STK32B: variants seen among roughly 807,000 people sequenced by gnomAD.
STK32B encodes the protein serine/threonine kinase 32B.
A neutral mutation model predicts 52.6 loss-of-function variants in STK32B; 43 were observed. The ratio of observed to expected loss-of-function variants is 0.82; its 90% CI spans 0.64 to 1.05. The LOEUF (loss-of-function observed/expected upper bound fraction) is 1.05. Ranked by LOEUF, STK32B falls within the 50% of genes least tolerant of loss-of-function variation. STK32B has a pLI of 0.00. For synonymous variants in STK32B, 238 were observed against 204.3 expected (o/e 1.17, Z -1.41); for missense variants, 621 against 534.6 (o/e 1.16, Z -1.59).
At chr4:5,390,745 T>C (rs1392538273) in intron 4 of STK32B, among the ~76,000 whole-genome samples, 1 of 152,090 alleles carries the variant, frequency 6.6e-6, no homozygotes, top group African/African-American at 2.4e-5. Flanking sequence ...AGAAGTGTAT[T>C]CTTTTACAGT....
intron 4 of STK32B, among the ~76,000 whole-genome samples, chr4:5,375,558 C>T (rs889187398): frequency 7.2e-5 from 11 of 151,890 alleles, no homozygotes; most frequent in Admixed American, 7.2e-4. Flanking sequence ...CTTTCTTGTC[C>T]TAAAATTACT....
At chr4:5,067,064 A>G (rs907942856) in intron 1 of STK32B, among the ~76,000 whole-genome samples, 2 of 152,220 alleles carry the variant, frequency 1.3e-5, no homozygotes, top group Non-Finnish European at 2.9e-5. Context: ...AAGAAGCTTA[A>G]TGGACTCACA....
chr4:5,022,245 C>A, the STK32B span, among the ~76,000 whole-genome samples: 2 of 152,152 alleles, frequency 1.3e-5, no homozygotes, highest in African/African-American at 4.8e-5. Context: ...TCATCTGTTT[C>A]TCGGCACCCA....
intron 3 of STK32B, among the ~76,000 whole-genome samples, chr4:5,244,968 G>A (rs1053433542): frequency 9.9e-5 from 15 of 152,072 alleles, no homozygotes; most frequent in Admixed American, 1.3e-4. Context: ...CTGTTCTTTT[G>A]CATTTGCTGA....
intron 3 of STK32B, among the ~76,000 whole-genome samples, chr4:5,312,671 T>G: frequency 2.0e-5 from 3 of 152,054 alleles, no homozygotes. Flanking sequence ...CACATTTTCT[T>G]AATCCAGTCT....
chr4:5,275,039 C>A (rs1236828156), intron 3 of STK32B, among the ~76,000 whole-genome samples: 1 of 152,196 alleles, frequency 6.6e-6, no homozygotes, highest in East Asian at 1.9e-4. Context: ...AGCTATAACA[C>A]TCACTGCGTG....
chr4:5,066,437 C>A (rs563708694), intron 1 of STK32B, among the ~76,000 whole-genome samples: 45 of 152,268 alleles, frequency 3.0e-4, no homozygotes, highest in African/African-American at 9.9e-4. Flanking sequence ...TAGAAAATAG[C>A]TTCAAATCAC....
chr4:5,485,712 G>A (rs1719118555), intron 11 of STK32B, among the ~76,000 whole-genome samples: 1 of 152,128 alleles, frequency 6.6e-6, no homozygotes, highest in Non-Finnish European at 1.5e-5. Context: ...CCCCATCTTT[G>A]TGGTTTTATC....
At chr4:5,030,038 C>T in the STK32B span, among the ~76,000 whole-genome samples, 1 of 152,216 alleles carries the variant, frequency 6.6e-6, no homozygotes, top group South Asian at 2.1e-4. Flanking sequence ...GCTTCCTCTT[C>T]ACCTTCCACC....
chr4:5,367,247 A>G (rs2109006566), intron 4 of STK32B, among the ~76,000 whole-genome samples: 1 of 152,276 alleles, frequency 6.6e-6, no homozygotes, highest in East Asian at 1.9e-4. Flanking sequence ...TGGTTTGGAA[A>G]TACCACAGGG....
At chr4:5,187,594 C>T (rs1037116435) in intron 3 of STK32B, among the ~76,000 whole-genome samples, 18 of 26,788 alleles carry the variant, frequency 6.7e-4, no homozygotes, top group South Asian at 1.3e-3. Context: ...TGGGGTGTGT[C>T]GGGGCAGGGT....
chr4:5,398,218 C>T lies in STK32B; in HGVS notation c.446C>T (p.Pro149Leu), dbSNP rs749485737. 26 of 1,613,898 alleles carry T rather than the reference C, an allele frequency of 1.6e-5. No individual in the cohort carries two copies. The highest frequency in any genetic ancestry group is 2.1e-5 in the Non-Finnish European group (25 of 1,180,006). Reference protein sequence around the residue: ...RYHIIHRDIKPDNILLDEHGH... With the variant: ...RYHIIHRDIKLDNILLDEHGH... ...GTTTTCTTTTACAGAGACATCAAGCCAGACAATATCCTGCTGGATGAACAC... is the reference window on the plus strand; with the variant it reads ...GTTTTCTTTTACAGAGACATCAAGCTAGACAATATCCTGCTGGATGAACAC... Residue 149 changes from proline to leucine, a missense_variant, in exon 5 of 12, where the codon CCA becomes CTA. Physicochemically the swap from Pro to Leu is moderately conservative, Grantham distance 98. Transcript: ENST00000282908. The surrounding 1 kb of genome is among the most constrained non-coding windows in gnomAD (Gnocchi z 4.9).
rs143911318 is a variant in STK32B, at chr4:5,250,310, CTTT to C, written c.261-80892_261-80890del. ...ATGAATGGTAATTCTGTTTTAAGTT[CTTT>C]TTTTTTTTTTTTTTTTTGAGACAGA... is the stretch of plus-strand genomic sequence containing the variant. On this transcript the variant is annotated intron_variant, in intron 3 of 11. Transcript: ENST00000282908. 1.5e-3 allele frequency among the ~76,000 whole-genome samples: 182 copies of C among 119,240 alleles called. 1 individual carries two copies. The highest frequency in any genetic ancestry group is 5.0e-3 in the African/African-American group (159 of 31,674). The allele number at this position is 119,240 out of a possible 152,430, so 78.2% of individuals were successfully genotyped here.
At chr4:5,227,706 C>T (rs8180276) in intron 3 of STK32B, among the ~76,000 whole-genome samples, 122,760 of 152,160 alleles carry the variant, frequency 0.81, 49,611 homozygotes, top group East Asian at 0.89. Context: ...AGTGCTTTCT[C>T]CCCCCCTGGA....
At chr4:5,444,709 T>C (rs1241199465) in intron 6 of STK32B, among the ~76,000 whole-genome samples, 2 of 152,220 alleles carry the variant, frequency 1.3e-5, no homozygotes, top group African/African-American at 4.8e-5. Flanking sequence ...GGGCCAGGCA[T>C]CCTGCTAAAC....
At chr4:5,177,848 G>C (rs1345365546) in intron 3 of STK32B, among the ~76,000 whole-genome samples, 1 of 152,232 alleles carries the variant, frequency 6.6e-6, no homozygotes, top group African/African-American at 2.4e-5. Flanking sequence ...GATGATGCAA[G>C]AGTTGGGCTC....
chr4:5,499,046 T>G lies in STK32B; in HGVS notation c.1208T>G (p.Leu403Arg), dbSNP rs754322386. 7.4e-6 allele frequency: 12 copies of G among 1,613,326 alleles called. No homozygotes were observed. Among genetic ancestry groups the G allele is most frequent in the Non-Finnish European group, 1.0e-5 (12 of 1,179,608 alleles). Residue 403 changes from leucine to arginine, a missense_variant, in exon 12 of 12, where the codon CTC becomes CGC. Coordinates refer to ENST00000282908, the MANE Select transcript of STK32B (RefSeq NM_018401.3). ...SKLQDGCNNN[L>R]LTHTCTRGCS... ...CTCCAGGACGGGTGCAACAACAACCTCCTCACCCACACCTGCACCCGTGGC... is the reference window on the plus strand; with the variant it reads ...CTCCAGGACGGGTGCAACAACAACCGCCTCACCCACACCTGCACCCGTGGC...
chr4:5,476,966 C>T (rs1439681412), intron 11 of STK32B, among the ~76,000 whole-genome samples: 1 of 151,996 alleles, frequency 6.6e-6, no homozygotes, highest in Non-Finnish European at 1.5e-5. Context: ...CCCCCTGCAA[C>T]CCTCTAAGGA....
Position 5,412,537 on chromosome 4 carries a change from A to AGGATCT in STK32B, c.473-4308_473-4307insGGATCT, listed in dbSNP as rs1329332280. On this transcript the variant is annotated intron_variant, in intron 5 of 11. Coordinates refer to ENST00000282908, the MANE Select transcript of STK32B (RefSeq NM_018401.3). The stretch of plus-strand genomic sequence containing the variant: ...AAGGCCAGGAGGTAACGAGATCAGG[A>AGGATCT]CTGTTTGACCCAGCTCTGTAGGAGG... Among the ~76,000 whole-genome samples, 5 of 152,252 alleles carry AGGATCT rather than the reference A, an allele frequency of 3.3e-5. No individual in the cohort carries two copies. The East Asian group carries it at 9.7e-4, about 29-fold the overall frequency.
Sources: gnomAD v4.1 joint callset for allele counts (sites outside exome capture counted in the v4.1 genomes callset) on GRCh38, gnomAD v4.1.1 for gene constraint, Gnocchi (gnomAD v3.1) non-coding constraint, MANE v1.5 for transcripts, NCBI Gene and HGNC (gene_info 2026-07-23, HGNC 2026-07-21) for gene names.